Variants in SQOR observed in about 807,000 individuals in gnomAD.
SQOR encodes sulfide:quinone oxidoreductase, mitochondrial.
SQOR carries 39 observed loss-of-function variants against 48.6 expected under a neutral mutation model. The ratio of observed to expected loss-of-function variants is 0.80; its 90% CI spans 0.62 to 1.05. SQOR has a LOEUF of 1.05. Among genes scored for constraint, SQOR ranks in the 50% least tolerant of loss-of-function variants. The pLI, the probability that SQOR is intolerant of heterozygous loss-of-function variation, is 0.00. For missense variants in SQOR, 561 were observed against 559.9 expected, an observed-to-expected ratio of 1.00 and a Z score of -0.02; for synonymous variants, 220 against 206.2, an observed-to-expected ratio of 1.07 and a Z score of -0.57.
chr15:45,639,928 C>G (rs1327598888), intron 1 of SQOR, among the ~76,000 whole-genome samples: 2 of 152,192 alleles, frequency 1.3e-5, no homozygotes, highest in African/African-American at 2.4e-5. Context: ...ATTTTACACT[C>G]AGGGAAATGG....
chr15:45,668,846 T>C (rs1889886562), intron 3 of SQOR, among the ~76,000 whole-genome samples: 1 of 152,168 alleles, frequency 6.6e-6, no homozygotes, highest in Non-Finnish European at 1.5e-5. Context: ...GGCCACTTTG[T>C]TTACACTTTT....
Position 45,691,092 on chromosome 15 carries a change from A to T in SQOR, c.*62A>T. On this transcript the variant is annotated 3_prime_UTR_variant, in exon 10 of 10. Transcript: ENST00000260324. ...GGGCCAAAACTGCAGTCACTGAATGACCAAGAGCAGCACGAAGGACTTGGA... is the reference window on the plus strand; with the variant it reads ...GGGCCAAAACTGCAGTCACTGAATGTCCAAGAGCAGCACGAAGGACTTGGA... The T allele has an allele frequency of 1.4e-6, 2 of 1,427,538 alleles. No individual in the cohort carries two copies. The highest frequency in any genetic ancestry group is 2.0e-6 in the Non-Finnish European group (2 of 1,009,530). 88.4% of individuals were successfully genotyped at this position (1,427,538 alleles called of 1,614,324 possible). A position where few individuals can be genotyped will look rare whatever the true frequency, so the allele number is the denominator to read the frequency against.
At chr15:45,634,121 A>G (rs1213176173), upstream of SQOR, among the ~76,000 whole-genome samples, 1 of 148,040 alleles carries the variant, frequency 6.8e-6, no homozygotes, top group Non-Finnish European at 1.5e-5. Flanking sequence ...TGTTGCAGTG[A>G]GCCGAGATTG....
intron 6 of SQOR, among the ~76,000 whole-genome samples, chr15:45,677,601 T>TA (rs1890059575): frequency 6.6e-6 from 1 of 152,234 alleles, no homozygotes; most frequent in South Asian, 2.1e-4. Flanking sequence ...TTTGAAATAA[T>TA]ACAGCCCTCT....
chr15:45,636,464 C>A (rs933973093), intron 1 of SQOR, among the ~76,000 whole-genome samples: 1 of 146,288 alleles, frequency 6.8e-6, no homozygotes, highest in African/African-American at 2.6e-5. Context: ...AGTGCAGTGG[C>A]GCGATCTCGG....
chr15:45,665,434 A>T (rs922798075), intron 3 of SQOR, among the ~76,000 whole-genome samples: 28 of 152,190 alleles, frequency 1.8e-4, no homozygotes, highest in African/African-American at 4.8e-5. Flanking sequence ...TCCATTAGCA[A>T]TTTTTCTATC....
chr15:45,642,580 G>A (rs1006094971), intron 1 of SQOR, among the ~76,000 whole-genome samples: 1 of 152,048 alleles, frequency 6.6e-6, no homozygotes, highest in Non-Finnish European at 1.5e-5. Flanking sequence ...AGTAACACAT[G>A]CCTATCCAAT....
At chr15:45,686,961 C>T (rs1313130085) in intron 7 of SQOR, among the ~76,000 whole-genome samples, 4 of 152,058 alleles carry the variant, frequency 2.6e-5, no homozygotes, top group Non-Finnish European at 5.9e-5. Flanking sequence ...AGGAGCGACA[C>T]CACGCCTGGC....
chr15:45,675,268 A>G (rs1890015982), intron 5 of SQOR, among the ~76,000 whole-genome samples: 1 of 152,198 alleles, frequency 6.6e-6, no homozygotes, highest in Admixed American at 6.5e-5. Context: ...TTCGAGTACC[A>G]TAAGATCTTA....
intron 2 of SQOR, among the ~76,000 whole-genome samples, 155 bp from the exon 3 acceptor site, chr15:45,661,800 G>A (rs1285628982): frequency 1.3e-5 from 2 of 152,162 alleles, no homozygotes; most frequent in Non-Finnish European, 2.9e-5. Context: ...AATAGGAGAC[G>A]CCTAATAGAC....
chr15:45,688,438 G>C (rs1339030648), intron 8 of SQOR, 34 bp downstream of exon 8: 9 of 1,452,606 alleles, frequency 6.2e-6, no homozygotes, highest in Non-Finnish European at 9.5e-7. Context: ...CTGTCTCAAT[G>C]ATCATCTTCC....
intron 5 of SQOR, chr15:45,674,128 T>A (rs189555050): frequency 3.3e-5 from 9 of 271,998 alleles, no homozygotes; most frequent in Admixed American, 1.0e-4. Context: ...ACATACTTTT[T>A]AAATGTGTGT....
At chr15:45,637,987 A>T (rs1190608222) in intron 1 of SQOR, among the ~76,000 whole-genome samples, 1 of 152,374 alleles carries the variant, frequency 6.6e-6, no homozygotes, top group East Asian at 1.9e-4. Flanking sequence ...CTGGAAGCCA[A>T]CTAGTTGCTT....
intron 2 of SQOR, among the ~76,000 whole-genome samples, chr15:45,659,511 C>T (rs1275815750): frequency 6.6e-6 from 1 of 152,168 alleles, no homozygotes; most frequent in Non-Finnish European, 1.5e-5. Context: ...AGGCCATGCT[C>T]CCTCTGCAGC....
At chr15:45,651,058 C>A (rs552475153) in intron 1 of SQOR, among the ~76,000 whole-genome samples, 1 of 152,320 alleles carries the variant, frequency 6.6e-6, no homozygotes, top group Non-Finnish European at 1.5e-5. Context: ...CATCACAGAG[C>A]AGGGGGCGGC....
intron 4 of SQOR, 143 bp downstream of exon 4, chr15:45,670,124 T>C (rs1318387948): frequency 1.3e-6 from 1 of 766,918 alleles, no homozygotes; most frequent in African/African-American, 1.7e-5. Flanking sequence ...GGCAGTCCTT[T>C]TACAGTTTTA....
At chr15:45,674,640 A>G (rs1890004162) in intron 5 of SQOR, among the ~76,000 whole-genome samples, 1 of 152,198 alleles carries the variant, frequency 6.6e-6, no homozygotes, top group Non-Finnish European at 1.5e-5. Flanking sequence ...CAATTTAAAA[A>G]GCAAAAAAAT....
chr15:45,676,989 C>T (rs1490459549), intron 6 of SQOR, among the ~76,000 whole-genome samples: 1 of 149,802 alleles, frequency 6.7e-6, no homozygotes, highest in African/African-American at 2.5e-5. Context: ...TGCAGTGAGC[C>T]GAGATTGTAC....
chr15:45,659,025 CG>C lies in SQOR; in HGVS notation c.106del (p.Ala36ProfsTer27). ...AGGTCGGCCCCCTTCAGCTGCACAC[CG>C]GGGCCAGCCATGCGGCCAGGAACCA... ...QQVGPLQLHT[G>X]ASHAARNHYE... On this transcript the variant is annotated frameshift_variant, in exon 2 of 10. Coordinates refer to ENST00000260324, the MANE Select transcript of SQOR (RefSeq NM_021199.4). LOFTEE classifies it high-confidence loss of function. The C allele has an allele frequency of 1.2e-6, 2 of 1,602,056 alleles. No individual in the cohort carries two copies. Among genetic ancestry groups the C allele is most frequent in the Admixed American group, 1.7e-5 (1 of 57,898 alleles).
Sources: allele counts gnomAD v4.1 joint callset (sites outside exome capture counted in the v4.1 genomes callset), GRCh38; gene constraint gnomAD v4.1.1; transcripts MANE v1.5; gene names NCBI Gene and HGNC (gene_info 2026-07-23, HGNC 2026-07-21).